The following PEX10 variants were observed in gnomAD, a reference collection of about 807,000 sequenced individuals.
PEX10 encodes peroxisome biogenesis factor 10.
A neutral mutation model predicts 38.0 loss-of-function variants in PEX10; 32 were observed. That is an observed-to-expected ratio of 0.84 (90% confidence interval 0.63 to 1.13). The LOEUF (loss-of-function observed/expected upper bound fraction) is 1.13, where lower values mean the gene tolerates loss of function less well. Ranked by LOEUF, PEX10 falls within the 50% of genes most tolerant of loss-of-function variation. The pLI is 0.00. For synonymous variants in PEX10, 206 were observed against 207.3 expected (o/e 0.99, Z 0.05); for missense variants, 483 against 457.7 (o/e 1.06, Z -0.51).
rs903416022 is a variant in PEX10 at position 2,407,858 on chromosome 1, T to C, written c.600+594A>G. On this transcript the variant is annotated intron_variant, in intron 3 of 5. Transcript: ENST00000447513. ...GCTCTGGTGGGCCAGGGACTAACGC[T>C]GTGGCAGGTGGACATGGTGGTGGGA... is the stretch of plus-strand genomic sequence containing the variant. Among the ~76,000 whole-genome samples the C allele has an allele frequency of 6.8e-4, 104 of 152,162 alleles. 1 individual carries two copies. The highest frequency in any genetic ancestry group is 1.5e-4 in the Non-Finnish European group (10 of 67,994).
rs542076490 is a variant in PEX10 at position 2,409,246 on chromosome 1, C to T, written c.194-388G>A. Among the ~76,000 whole-genome samples, 78 of 152,292 alleles carry T rather than the reference C, an allele frequency of 5.1e-4. No individual in the cohort carries two copies. The South Asian group carries it at 5.6e-3, about 11-fold the overall frequency. On this transcript the variant is annotated intron_variant, in intron 2 of 5. Transcript: ENST00000447513. The surrounding 1 kb of genome is among the most constrained non-coding windows in gnomAD (Gnocchi z 6.2). ...CACCAACCACACAGCTGGCACCACC[C>T]GATTTATGCCCAGCCTGGACCTTAC...
chr1:2,410,591 C>T lies in PEX10; in HGVS notation c.113-140G>A. The stretch of plus-strand genomic sequence containing the variant: ...AGCCAACACTCACTCCCTGGCCTCC[C>T]TCTCTGCTTCTGTCTCCGGAGGCAC... On this transcript the variant is annotated intron_variant, in intron 1 of 5. Coordinates refer to ENST00000447513, the MANE Select transcript of PEX10 (RefSeq NM_002617.4). This position sits in a 1 kb window ranked among gnomAD's most constrained non-coding sequence, Gnocchi z 5.1. 5.4e-6 allele frequency: 4 copies of T among 735,908 alleles called. No homozygotes were observed. The highest frequency in any genetic ancestry group is 2.8e-5 in the East Asian group (1 of 36,152). The allele number at this position is 735,908 out of a possible 1,614,324, so 45.6% of individuals were successfully genotyped here. A position where few individuals can be genotyped will look rare whatever the true frequency, so the allele number is the denominator to read the frequency against.
chr1:2,412,507 G>A lies in PEX10; in HGVS notation c.-5C>T, dbSNP rs1643280296. 5 of 1,355,248 alleles carry A rather than the reference G, an allele frequency of 3.7e-6. No individual in the cohort carries two copies. The highest frequency in any genetic ancestry group is 3.8e-6 in the Non-Finnish European group (4 of 1,056,918). The allele number at this position is 1,355,248 out of a possible 1,614,324, so 84.0% of individuals were successfully genotyped here. ...GCTGGCGGCGGCCGGGGCCATGGCCGCGGGTTCGGGTGGTCCCGAGCAGCC... is the reference window on the plus strand; with the variant it reads ...GCTGGCGGCGGCCGGGGCCATGGCCACGGGTTCGGGTGGTCCCGAGCAGCC... On this transcript the variant is annotated 5_prime_UTR_variant, in exon 1 of 6. Coordinates refer to ENST00000447513, the MANE Select transcript of PEX10 (RefSeq NM_002617.4).
Position 2,408,641 on chromosome 1 carries a change from G to A in PEX10, c.411C>T (p.Gly137=). 6.2e-7 allele frequency: 1 copy of A among 1,610,850 alleles called. No homozygotes were observed. Among genetic ancestry groups the A allele is most frequent in the Non-Finnish European group, 8.5e-7 (1 of 1,179,132 alleles). The part of the protein sequence containing the change: ...LQGSLGPGGR[G]CSGARRWMRH... ...GCATCCAGCGCCGCGCCCCTGAGCA[G>A]CCACGCCCACCTGGCCCCAGGCTCC... Residue 137 remains glycine, a synonymous_variant, in exon 3 of 6, where the codon GGC becomes GGT. Coordinates refer to ENST00000447513, the MANE Select transcript of PEX10 (RefSeq NM_002617.4).
At chr1:2,411,219 G>GA (rs143303491) in intron 1 of PEX10, among the ~76,000 whole-genome samples, 13,598 of 145,476 alleles carry the variant, frequency 0.093, 836 homozygotes, top group Middle Eastern at 0.25. Context: ...CCAAAGACTT[G>GA]ATGGCTTTGC....
intron 1 of PEX10, among the ~76,000 whole-genome samples, chr1:2,411,708 T>G (rs1643229479): frequency 6.6e-6 from 1 of 152,092 alleles, no homozygotes; most frequent in Non-Finnish European, 1.5e-5. Flanking sequence ...CGGCTAATTT[T>G]CAGATTTTTT....
rs1174484256 is a variant in PEX10 at position 2,404,056 on chromosome 1, C to T, written c.*1710G>A. ...CAGGAAAGCCCACCTTTTGTTTGGC[C>T]TTTTCGAAAGGTGACCCATATTGCA... On this transcript the variant is annotated 3_prime_UTR_variant, in exon 6 of 6. Transcript: ENST00000447513. The T allele has an allele frequency of 1.3e-5, 2 of 152,222 alleles. No homozygotes were observed. The highest frequency in any genetic ancestry group is 2.9e-5 in the Non-Finnish European group (2 of 68,042). 9.4% of individuals were successfully genotyped at this position (152,222 alleles called of 1,614,324 possible).
chr1:2,411,124 AC>A (rs1236207252), intron 1 of PEX10, among the ~76,000 whole-genome samples: 1 of 146,996 alleles, frequency 6.8e-6, no homozygotes, highest in Non-Finnish European at 1.5e-5. Flanking sequence ...TGGCCACGAC[AC>A]CCCCACCACT....
At position 2,405,738 on chromosome 1, in the gene PEX10, C is replaced by G. The variant is rs2100418719; in HGVS notation, c.*28G>C. On this transcript the variant is annotated 3_prime_UTR_variant, in exon 6 of 6. Transcript: ENST00000447513. ...GCGTTCAGACTCCCGTAGAGGTCAT[C>G]TGTGTCCAGGCCCACCCGGGCGCCG... 3 of 1,580,522 alleles carry G rather than the reference C, an allele frequency of 1.9e-6. No homozygotes were observed. The South Asian group carries it at 3.5e-5, about 18-fold the overall frequency.
chr1:2,411,685 C>A (rs1357196824), intron 1 of PEX10, among the ~76,000 whole-genome samples: 1 of 151,914 alleles, frequency 6.6e-6, no homozygotes, highest in African/African-American at 2.4e-5. Flanking sequence ...ATTACAGACG[C>A]CGCCACCACG....
At chr1:2,408,885 A>AC (rs751010435) in intron 2 of PEX10, 27 bp from the exon 3 acceptor site, 1 of 1,611,952 alleles carries the variant, frequency 6.2e-7, no homozygotes, top group Admixed American at 1.7e-5. Flanking sequence ...GGGTATGTGG[A>AC]CCCTGAGACT....
In PEX10 at chr1:2,410,875, G is replaced by A. The variant is rs1242814658; in HGVS notation, c.113-424C>T. ...ATCAGAAGAGTAATAAGTCCTACTT[G>A]GAGGGATGTTTGAAGATTCAATATT... On this transcript the variant is annotated intron_variant, in intron 1 of 5. Coordinates refer to ENST00000447513, the MANE Select transcript of PEX10 (RefSeq NM_002617.4). This position sits in a 1 kb window ranked among gnomAD's most constrained non-coding sequence, Gnocchi z 5.1. 4.4e-6 allele frequency: 2 copies of A among 457,772 alleles called. No individual in the cohort carries two copies. Among genetic ancestry groups the A allele is most frequent in the Non-Finnish European group, 4.4e-6 (1 of 228,018 alleles). 28.4% of individuals were successfully genotyped at this position (457,772 alleles called of 1,614,324 possible).
chr1:2,405,548 A>G lies in PEX10; in HGVS notation c.*218T>C. 1.5e-6 allele frequency: 1 copy of G among 666,182 alleles called. No individual in the cohort carries two copies. The highest frequency in any genetic ancestry group is 3.4e-4 in the Middle Eastern group (1 of 2,978). 41.3% of individuals were successfully genotyped at this position (666,182 alleles called of 1,614,324 possible). ...GGCTGAGTCCTACCAGGTTGGGGTT[A>G]GGGAAATGTTCTGGGTTCAGGCGCC... On this transcript the variant is annotated 3_prime_UTR_variant, in exon 6 of 6. Transcript: ENST00000447513.
intron 1 of PEX10, among the ~76,000 whole-genome samples, chr1:2,411,849 TCAGCTCCCGGCCTGG>T (rs1395408474): frequency 1.3e-5 from 2 of 152,226 alleles, no homozygotes; most frequent in Non-Finnish European, 2.9e-5. Context: ...GCTTCTGTAC[TCAGCTCCCGGCCTGG>T]TGAGGCAGGC....
Position 2,405,531 on chromosome 1 carries a change from C to T in PEX10, c.*235G>A, listed in dbSNP as rs1254399185. On this transcript the variant is annotated 3_prime_UTR_variant, in exon 6 of 6. Coordinates refer to ENST00000447513, the MANE Select transcript of PEX10 (RefSeq NM_002617.4). Reference sequence around the variant, plus strand: ...GAAATTCCTGAAGAAGTGGCTGAGTCCTACCAGGTTGGGGTTAGGGAAATG... The same window carrying T: ...GAAATTCCTGAAGAAGTGGCTGAGTTCTACCAGGTTGGGGTTAGGGAAATG... 17 of 641,340 alleles carry T rather than the reference C, an allele frequency of 2.7e-5. No individual in the cohort carries two copies. In the Admixed American group the frequency reaches 3.9e-4, roughly 15 times the overall value. 39.7% of individuals were successfully genotyped at this position (641,340 alleles called of 1,614,324 possible).
Position 2,408,828 on chromosome 1 carries a change from C to G in PEX10, c.224G>C (p.Ser75Thr), listed in dbSNP as rs754556033. The G allele has an allele frequency of 5.0e-6, 8 of 1,614,072 alleles. No homozygotes were observed. Among genetic ancestry groups the G allele is most frequent in the Middle Eastern group, 1.6e-4 (1 of 6,062 alleles). The change falls in exon 3 of 6, where the codon AGC becomes ACC. Residue 75 changes from serine (S) to threonine (T), a missense_variant. Ser to Thr is a moderately conservative substitution (Grantham distance 58). Coordinates refer to ENST00000447513, the MANE Select transcript of PEX10 (RefSeq NM_002617.4). ...CCGCGATGGGTCCACCTGGATGATGCTGACGTACTCCTCCCCCAGGGTCTG... is the reference window on the plus strand; with the variant it reads ...CCGCGATGGGTCCACCTGGATGATGGTGACGTACTCCTCCCCCAGGGTCTG... ...GYQTLGEEYV[S>T]IIQVDPSRIH...
chr1:2,407,451 G>A (rs555015713), intron 3 of PEX10, among the ~76,000 whole-genome samples: 4 of 152,306 alleles, frequency 2.6e-5, no homozygotes, highest in South Asian at 4.1e-4. Flanking sequence ...GCCCAGGGCC[G>A]GGAACCACAT....
chr1:2,406,736 C>T lies in PEX10; in HGVS notation c.760G>A (p.Gly254Ser), dbSNP rs761942658. 41 of 1,608,322 alleles carry T rather than the reference C, an allele frequency of 2.5e-5. No homozygotes were observed. Among genetic ancestry groups the T allele is most frequent in the East Asian group, 2.0e-4 (9 of 44,686 alleles). The change falls in exon 4 of 6, where the codon GGC (glycine) becomes AGC (serine). Residue 254 changes from glycine to serine, a missense_variant. Physicochemically the swap from Gly to Ser is moderately conservative, Grantham distance 56. Transcript: ENST00000447513. ...RARKEWRLHR[G>S]LSHRRASLEE... ...CGCACGCACCTGCGGTGAGACAGGC[C>T]GCGGTGCAGCCTCCACTCCTTCCTG... is the stretch of plus-strand genomic sequence containing the variant.
chr1:2,412,439 G>A lies in PEX10; in HGVS notation c.64C>T (p.Arg22Cys), dbSNP rs758406273. ...IRAAQKDEYY[R>C]GGLRSAAGGA... ...CCCGCCGCGCTCCGCAGCCCACCGC[G>A]GTAGTACTCGTCCTTCTGCGCCGCG... The change falls in exon 1 of 6, where the codon CGC becomes TGC. Residue 22 changes from arginine to cysteine, a missense_variant. Arg to Cys is a radical substitution (Grantham distance 180). Coordinates refer to ENST00000447513, the MANE Select transcript of PEX10 (RefSeq NM_002617.4). 7.0e-7 allele frequency: 1 copy of A among 1,430,702 alleles called. No individual in the cohort carries two copies. Among genetic ancestry groups the A allele is most frequent in the Non-Finnish European group, 9.1e-7 (1 of 1,096,532 alleles). The allele number at this position is 1,430,702 out of a possible 1,614,324, so 88.6% of individuals were successfully genotyped here.
Sources: allele counts gnomAD v4.1 joint callset (sites outside exome capture counted in the v4.1 genomes callset), GRCh38; gene constraint gnomAD v4.1.1; non-coding constraint Gnocchi (gnomAD v3.1); transcripts MANE v1.5; gene names NCBI Gene and HGNC (gene_info 2026-07-23, HGNC 2026-07-21).